FHOD3: variants seen among roughly 807,000 people sequenced by gnomAD.
FHOD3 encodes the protein formin homology 2 domain containing 3.
Under a neutral mutation model 173.0 loss-of-function variants are expected in FHOD3, and 90 were observed. The observed-to-expected ratio is 0.52, with a 90% CI of 0.44 to 0.62. The LOEUF is 0.62. Among genes scored for constraint, FHOD3 ranks in the 20% least tolerant of loss-of-function variants. The probability of loss-of-function intolerance (pLI) is 0.00; values close to 1 mark genes in which losing one functional copy is unlikely to be tolerated. For missense variants in FHOD3, 1,945 were observed against 2,034.7 expected (o/e 0.96, Z 0.85); for synonymous variants, 828 against 823.0 (o/e 1.01, Z -0.10).
intron 5 of FHOD3, among the ~76,000 whole-genome samples, chr18:36,514,011 A>ATCCTTTTTTTTTTTTT (rs2055810808): frequency 3.0e-5 from 2 of 65,616 alleles, no homozygotes; most frequent in Non-Finnish European, 6.7e-5. Context: ...TGCTATTTCT[A>ATCCTTTTTTTTTTTTT]TTCTTTTTTT....
chr18:36,634,529 A>G (rs184672483), intron 10 of FHOD3, among the ~76,000 whole-genome samples: 3 of 152,258 alleles, frequency 2.0e-5, no homozygotes, highest in Admixed American at 6.5e-5. Context: ...GGCAATGAGC[A>G]ATCTATTTGC....
intron 3 of FHOD3, among the ~76,000 whole-genome samples, chr18:36,418,161 T>C (rs1231679301): frequency 4.6e-5 from 7 of 152,240 alleles, no homozygotes; most frequent in Non-Finnish European, 7.3e-5. Context: ...ATTTGGAATT[T>C]GGAAATGCTG....
chr18:36,666,676 T>C (rs1600157791), intron 14 of FHOD3, among the ~76,000 whole-genome samples: 1 of 152,240 alleles, frequency 6.6e-6, no homozygotes, highest in Admixed American at 6.5e-5. Context: ...TTACCAGAGA[T>C]GATAATTTAC....
intron 3 of FHOD3, among the ~76,000 whole-genome samples, chr18:36,501,449 G>A (rs2055027419): frequency 1.3e-5 from 2 of 152,208 alleles, no homozygotes; most frequent in Admixed American, 6.5e-5. Flanking sequence ...AAGCATGGGG[G>A]TGCAGGGCCT....
Position 36,625,765 on chromosome 18 carries a change from G to T in FHOD3, c.1196+16G>T, listed in dbSNP as rs1480290565. ...TGCGTGAAAAGTAAGCATTAACTTG[G>T]CAGTGGAGAGGGGTGCAAGGATGCC... On this transcript the variant is annotated intron_variant, in intron 10 of 28. Transcript: ENST00000590592. 1 of 1,585,534 alleles carries T rather than the reference G, an allele frequency of 6.3e-7. No homozygotes were observed. Among genetic ancestry groups the T allele is most frequent in the South Asian group, 1.1e-5 (1 of 88,266 alleles).
chr18:36,458,666 G>GTTTTT (rs35141522), intron 3 of FHOD3, among the ~76,000 whole-genome samples: 1 of 104,722 alleles, frequency 9.5e-6, no homozygotes, highest in Non-Finnish European at 2.0e-5. Context: ...TTTTTGTTAG[G>GTTTTT]TTTTTTTTTT....
At chr18:36,720,040 A>G (rs1435580431) in intron 19 of FHOD3, among the ~76,000 whole-genome samples, 1 of 151,858 alleles carries the variant, frequency 6.6e-6, no homozygotes, top group Non-Finnish European at 1.5e-5. Flanking sequence ...ACAAATCTAC[A>G]CCGTTAGGAT....
chr18:36,618,532 G>A (rs1160720347), intron 9 of FHOD3, among the ~76,000 whole-genome samples: 1 of 151,956 alleles, frequency 6.6e-6, no homozygotes, highest in East Asian at 1.9e-4. Context: ...GGCTGGTCTG[G>A]AACTCCCAAC....
chr18:36,499,356 G>A (rs376289248), intron 3 of FHOD3, among the ~76,000 whole-genome samples: 11 of 151,896 alleles, frequency 7.2e-5, no homozygotes, highest in African/African-American at 2.2e-4. Flanking sequence ...CGCCTGCCTC[G>A]GCCTCCCAAA....
Position 36,730,732 on chromosome 18 carries a change from G to A in FHOD3, c.3504G>A (p.Leu1168=). The A allele has an allele frequency of 6.2e-7, 1 of 1,614,144 alleles. No homozygotes were observed. Among genetic ancestry groups the A allele is most frequent in the Non-Finnish European group, 8.5e-7 (1 of 1,180,004 alleles). ...CCATCAATATTGGTCTGACGGTGCT[G>A]CCCCCTCCAAGGACGATTAAGATCG... ...SNAINIGLTV[L]PPPRTIKIAI... Residue 1168 remains leucine, a synonymous_variant, in exon 20 of 29, where the codon CTG becomes CTA. Coordinates refer to ENST00000590592, the MANE Select transcript of FHOD3 (RefSeq NM_001281740.3).
intron 5 of FHOD3, among the ~76,000 whole-genome samples, chr18:36,574,809 T>C (rs1441939287): frequency 6.6e-6 from 1 of 152,186 alleles, no homozygotes; most frequent in East Asian, 1.9e-4. Context: ...GGAATATCTC[T>C]AGTGTTTTAC....
chr18:36,495,514 C>T (rs964736868), intron 3 of FHOD3, among the ~76,000 whole-genome samples: 2 of 152,222 alleles, frequency 1.3e-5, no homozygotes, highest in African/African-American at 2.4e-5. Flanking sequence ...GCCTCTGCAG[C>T]TGCCCTCTTG....
At chr18:36,562,823 C>A (rs2058134784) in intron 5 of FHOD3, among the ~76,000 whole-genome samples, 1 of 152,142 alleles carries the variant, frequency 6.6e-6, no homozygotes, top group Admixed American at 6.5e-5. Context: ...GAGCCCTGAC[C>A]AACACCAATG....
Position 36,444,859 on chromosome 18 carries a change from G to A in FHOD3, c.338-57073G>A, listed in dbSNP as rs564252701. ...CAACTCTCCTATGTAATGACATGTA[G>A]GCTTTTAATATTTTGCAATTACAAA... On this transcript the variant is annotated intron_variant, in intron 3 of 28. Coordinates refer to ENST00000590592, the MANE Select transcript of FHOD3 (RefSeq NM_001281740.3). Among the ~76,000 whole-genome samples the A allele has an allele frequency of 1.2e-3, 183 of 152,194 alleles. 1 individual carries two copies. Among genetic ancestry groups the A allele is most frequent in the African/African-American group, 4.2e-3 (176 of 41,518 alleles).
intron 19 of FHOD3, among the ~76,000 whole-genome samples, chr18:36,729,542 TG>T (rs2149900899): frequency 6.6e-6 from 1 of 152,344 alleles, no homozygotes; most frequent in African/African-American, 2.4e-5. Flanking sequence ...ATCAAGGTAC[TG>T]GCCAGTTAGG....
At chr18:36,764,894 T>A (rs1600627136) in intron 27 of FHOD3, among the ~76,000 whole-genome samples, 1 of 152,192 alleles carries the variant, frequency 6.6e-6, no homozygotes, top group East Asian at 1.9e-4. Context: ...GAAAGAGGAC[T>A]AGACAAACTA....
intron 3 of FHOD3, among the ~76,000 whole-genome samples, chr18:36,430,500 A>G (rs763702274): frequency 6.6e-5 from 10 of 152,244 alleles, no homozygotes; most frequent in Non-Finnish European, 1.0e-4. Flanking sequence ...TACAGGCGTG[A>G]GCCACCGTGC....
intron 7 of FHOD3, among the ~76,000 whole-genome samples, chr18:36,596,647 C>T (rs569942066): frequency 1.4e-4 from 22 of 152,208 alleles, no homozygotes; most frequent in Admixed American, 1.0e-3. Flanking sequence ...AGATAGATGT[C>T]GGCACTAGGC....
At chr18:36,576,126 T>C (rs1361101630) in intron 5 of FHOD3, among the ~76,000 whole-genome samples, 2 of 152,142 alleles carry the variant, frequency 1.3e-5, no homozygotes, top group African/African-American at 4.8e-5. Context: ...CTCATGAATA[T>C]CTTTGTCCTG....
Sources: gnomAD v4.1 joint callset for allele counts (sites outside exome capture counted in the v4.1 genomes callset) on GRCh38, gnomAD v4.1.1 for gene constraint, MANE v1.5 for transcripts, NCBI Gene and HGNC (gene_info 2026-07-23, HGNC 2026-07-21) for gene names.